RBMS3: variants seen among roughly 807,000 people sequenced by gnomAD.
RBMS3 encodes the protein RNA-binding motif, single-stranded-interacting protein 3.
In RBMS3, 27 loss-of-function variants were observed where a neutral mutation model predicts 66.8. That is an observed-to-expected ratio of 0.40 (90% CI 0.30 to 0.56). RBMS3 has a LOEUF of 0.56. Among genes scored for constraint, RBMS3 ranks in the 20% least tolerant of loss-of-function variants. RBMS3 has a pLI of 0.40. For synonymous variants in RBMS3, 188 were observed against 183.0 expected, an observed-to-expected ratio of 1.03 and a Z score of -0.22; for missense variants, 513 against 549.5, an observed-to-expected ratio of 0.93 and a Z score of 0.66.
At chr3:29,392,925 G>GAAAAAAAA (rs2039372036) in intron 1 of RBMS3, among the ~76,000 whole-genome samples, 2 of 151,508 alleles carry the variant, frequency 1.3e-5, no homozygotes, top group Non-Finnish European at 2.9e-5. Flanking sequence ...AAGAAAAAAA[G>GAAAAAAAA]GAAGACTTAT....
At chr3:29,515,591 TAGAA>T (rs2044590453) in intron 3 of RBMS3, among the ~76,000 whole-genome samples, 1 of 152,152 alleles carries the variant, frequency 6.6e-6, no homozygotes, top group Non-Finnish European at 1.5e-5. Flanking sequence ...GTGCTAATAA[TAGAA>T]AGAATGACTA....
At chr3:29,433,250 C>T (rs2041275479) in intron 1 of RBMS3, among the ~76,000 whole-genome samples, 1 of 151,912 alleles carries the variant, frequency 6.6e-6, no homozygotes, top group African/African-American at 2.4e-5. Flanking sequence ...TGCTAATGTG[C>T]CAAAAATGTG....
intron 4 of RBMS3, among the ~76,000 whole-genome samples, chr3:29,654,668 G>C (rs922775672): frequency 6.6e-6 from 1 of 150,954 alleles, no homozygotes; most frequent in Non-Finnish European, 1.5e-5. Flanking sequence ...TTGGCTCACT[G>C]TATCCTCCAC....
chr3:29,307,645 A>G (rs1007819522), intron 1 of RBMS3, among the ~76,000 whole-genome samples: 2 of 151,924 alleles, frequency 1.3e-5, no homozygotes. Flanking sequence ...AGTGACAGAC[A>G]TGTAGTAAGT....
At chr3:29,750,216 G>C (rs2149364333) in intron 5 of RBMS3, among the ~76,000 whole-genome samples, 1 of 152,244 alleles carries the variant, frequency 6.6e-6, no homozygotes, top group South Asian at 2.1e-4. Flanking sequence ...TCGTCCAAAA[G>C]TAAGATCTCT....
At chr3:29,774,343 G>A (rs924540781) in intron 6 of RBMS3, among the ~76,000 whole-genome samples, 10 of 152,100 alleles carry the variant, frequency 6.6e-5, no homozygotes, top group South Asian at 2.1e-4. Flanking sequence ...AGATAAAACC[G>A]TGATCAGGTC....
At chr3:29,491,838 A>C (rs2043556317) in intron 3 of RBMS3, among the ~76,000 whole-genome samples, 1 of 152,146 alleles carries the variant, frequency 6.6e-6, no homozygotes, top group Non-Finnish European at 1.5e-5. Context: ...CTAAAACTAT[A>C]AAAAATTAGC....
At chr3:29,608,365 CTT>C in intron 4 of RBMS3, among the ~76,000 whole-genome samples, 1 of 151,930 alleles carries the variant, frequency 6.6e-6, no homozygotes, top group East Asian at 1.9e-4. Flanking sequence ...TGACTTAAAA[CTT>C]AGTGTAATAA....
chr3:29,390,570 A>G (rs1261414879), intron 1 of RBMS3, among the ~76,000 whole-genome samples: 1 of 152,148 alleles, frequency 6.6e-6, no homozygotes, highest in East Asian at 1.9e-4. Context: ...AAAAATGAAA[A>G]GACATGCCTT....
At chr3:29,311,106 G>C (rs1030978740) in intron 1 of RBMS3, among the ~76,000 whole-genome samples, 1 of 151,770 alleles carries the variant, frequency 6.6e-6, no homozygotes, top group Non-Finnish European at 1.5e-5. Flanking sequence ...CCTTGATTCA[G>C]TAGGTTAATG....
chr3:30,007,724 C>G lies in RBMS3; in HGVS notation c.*3862C>G, dbSNP rs370845488. On this transcript the variant is annotated 3_prime_UTR_variant, in exon 15 of 15. Coordinates refer to ENST00000383767, the MANE Select transcript of RBMS3 (RefSeq NM_001003793.3). ...TGAATATTGCAAATGTCATAATACT[C>G]TTTTAAAACAGTCCTCTACCTGACT... 8 of 152,144 alleles carry G rather than the reference C, an allele frequency of 5.3e-5. No homozygotes were observed. The highest frequency in any genetic ancestry group is 3.9e-4 in the East Asian group (2 of 5,174). 9.4% of individuals were successfully genotyped at this position (152,144 alleles called of 1,614,324 possible). A position where few individuals can be genotyped will look rare whatever the true frequency, so the allele number is the denominator to read the frequency against.
chr3:29,600,773 T>C (rs1283495521), intron 4 of RBMS3, among the ~76,000 whole-genome samples: 1 of 152,068 alleles, frequency 6.6e-6, no homozygotes, highest in Admixed American at 6.6e-5. Flanking sequence ...GCATATTCAA[T>C]CTTAGGGAAA....
intron 3 of RBMS3, among the ~76,000 whole-genome samples, chr3:29,570,703 C>T (rs1442518490): frequency 6.6e-6 from 1 of 152,140 alleles, no homozygotes; most frequent in African/African-American, 2.4e-5. Context: ...ATAAGTACCA[C>T]ATTTTCTTTA....
rs142239978 is a variant in RBMS3, at chr3:29,938,021, C to T, written c.1050+1825C>T. Among the ~76,000 whole-genome samples, 4 of 151,884 alleles carry T rather than the reference C, an allele frequency of 2.6e-5. No homozygotes were observed. The East Asian group carries it at 5.8e-4, about 22-fold the overall frequency. On this transcript the variant is annotated intron_variant, in intron 11 of 14. Transcript: ENST00000383767. The stretch of plus-strand genomic sequence containing the variant: ...ACAATTATAATGCAAAACATAGAAA[C>T]TCTTTAAAATTTTTACTCATTTGGT...
chr3:29,491,505 T>C (rs1047553948), intron 3 of RBMS3, among the ~76,000 whole-genome samples: 10 of 152,180 alleles, frequency 6.6e-5, no homozygotes, highest in Admixed American at 6.5e-4. Flanking sequence ...TTTAAATAAA[T>C]ATGAAAATGT....
In RBMS3 at chr3:29,391,003, A is replaced by T. The variant is rs191615888; in HGVS notation, c.76-43740A>T. 246 of 344,266 alleles carry T rather than the reference A, an allele frequency of 7.1e-4. 7 individuals carry two copies. The East Asian group carries it at 0.01, about 15-fold the overall frequency. 21.3% of individuals were successfully genotyped at this position (344,266 alleles called of 1,614,324 possible). A position where few individuals can be genotyped will look rare whatever the true frequency, so the allele number is the denominator to read the frequency against. On this transcript the variant is annotated intron_variant, in intron 1 of 14. Transcript: ENST00000383767. ...AAGCCACGCCCATCTCTGTGTTTACATTCAACTGTAATGAGCTTTGTATGT... is the reference window on the plus strand; with the variant it reads ...AAGCCACGCCCATCTCTGTGTTTACTTTCAACTGTAATGAGCTTTGTATGT...
intron 12 of RBMS3, among the ~76,000 whole-genome samples, chr3:29,972,386 G>A (rs962834610): frequency 2.0e-5 from 3 of 151,924 alleles, no homozygotes; most frequent in Non-Finnish European, 2.9e-5. Context: ...CCTGTTGTTT[G>A]CAGTTTCCAA....
chr3:29,322,644 C>T (rs1241946928), intron 1 of RBMS3, among the ~76,000 whole-genome samples: 1 of 151,732 alleles, frequency 6.6e-6, no homozygotes, highest in African/African-American at 2.4e-5. Context: ...AATGGCCATA[C>T]TCCAGACACT....
intron 12 of RBMS3, among the ~76,000 whole-genome samples, chr3:29,980,485 T>C (rs1285293622): frequency 6.6e-6 from 1 of 152,222 alleles, no homozygotes; most frequent in Non-Finnish European, 1.5e-5. Context: ...GCTTTTGGTG[T>C]TTTAGTCTTG....
Sources: allele counts gnomAD v4.1 joint callset (sites outside exome capture counted in the v4.1 genomes callset), GRCh38; gene constraint gnomAD v4.1.1; transcripts MANE v1.5; gene names NCBI Gene and HGNC (gene_info 2026-07-23, HGNC 2026-07-21).